Variants in PCNX2 observed in about 807,000 individuals in gnomAD.
The protein encoded by PCNX2 is pecanex 2, also known as pecanex-like protein 2.
Under a neutral mutation model 223.8 loss-of-function variants are expected in PCNX2, and 168 were observed. The ratio of observed to expected loss-of-function variants is 0.75; its 90% CI spans 0.66 to 0.85. PCNX2 has a LOEUF of 0.85. Among genes scored for constraint, PCNX2 ranks in the 40% least tolerant of loss-of-function variants. PCNX2 has a pLI of 0.00. For missense variants in PCNX2, 2,507 were observed against 2,675.5 expected, an observed-to-expected ratio of 0.94 and a Z score of 1.39; for synonymous variants, 1,006 against 1,052.6, an observed-to-expected ratio of 0.96 and a Z score of 0.86.
intron 12 of PCNX2, among the ~76,000 whole-genome samples, chr1:233,209,802 T>C (rs185692086): frequency 1.0e-3 from 153 of 152,344 alleles, no homozygotes; most frequent in African/African-American, 3.0e-3. Context: ...TTAATGGGTA[T>C]GGGAATACTT....
intron 32 of PCNX2, among the ~76,000 whole-genome samples, chr1:232,995,058 C>G (rs1287448067): frequency 6.6e-6 from 1 of 152,160 alleles, no homozygotes; most frequent in Non-Finnish European, 1.5e-5. Flanking sequence ...TGGTGAGGAT[C>G]CAGTGAATGT....
intron 32 of PCNX2, among the ~76,000 whole-genome samples, chr1:232,997,131 C>T (rs2102790271): frequency 6.6e-6 from 1 of 152,258 alleles, no homozygotes; most frequent in South Asian, 2.1e-4. Flanking sequence ...CATTCTTTCC[C>T]CTTTAAATAA....
chr1:233,061,539 C>G (rs74861762), intron 23 of PCNX2, among the ~76,000 whole-genome samples: 2 of 152,084 alleles, frequency 1.3e-5, no homozygotes, highest in East Asian at 3.9e-4. Context: ...ATACATTTGC[C>G]CTCCAAGACC....
At chr1:233,074,319 G>A (rs1235045953) in intron 23 of PCNX2, among the ~76,000 whole-genome samples, 2 of 152,182 alleles carry the variant, frequency 1.3e-5, no homozygotes, top group Non-Finnish European at 2.9e-5. Flanking sequence ...ACGAGGCCGG[G>A]CGCGGTGGCT....
At chr1:233,162,827 C>A (rs142625063) in intron 17 of PCNX2, among the ~76,000 whole-genome samples, 1,551 of 152,132 alleles carry the variant, frequency 0.01, 25 homozygotes, top group African/African-American at 0.035. Flanking sequence ...AACATTTTCC[C>A]GAATATTCTA....
intron 15 of PCNX2, among the ~76,000 whole-genome samples, chr1:233,182,167 G>C (rs1205408808): frequency 6.6e-6 from 1 of 152,150 alleles, no homozygotes; most frequent in Non-Finnish European, 1.5e-5. Context: ...TGGTTGTTGT[G>C]AGGGTGCTTT....
intron 9 of PCNX2, among the ~76,000 whole-genome samples, chr1:233,234,982 G>C (rs1051915137): frequency 1.3e-5 from 2 of 152,008 alleles, no homozygotes; most frequent in Admixed American, 1.3e-4. Flanking sequence ...CAGGGTCTCC[G>C]GTGGTCAGTG....
chr1:233,104,322 C>T lies in PCNX2; in HGVS notation c.3838-8459G>A, dbSNP rs570359986. The stretch of plus-strand genomic sequence containing the variant: ...ATTAAAGTCACCTAAAAATTTTAGG[C>T]AAAATAATTTTTAAAAAATCAATAC... On this transcript the variant is annotated intron_variant, in intron 21 of 33. Coordinates refer to ENST00000258229, the MANE Select transcript of PCNX2 (RefSeq NM_014801.4). Among the ~76,000 whole-genome samples the T allele has an allele frequency of 2.0e-4, 30 of 152,042 alleles. 1 individual carries two copies. The South Asian group carries it at 4.1e-3, about 21-fold the overall frequency.
At chr1:233,274,517 A>T (rs1415977726) in intron 1 of PCNX2, among the ~76,000 whole-genome samples, 1 of 152,256 alleles carries the variant, frequency 6.6e-6, no homozygotes, top group African/African-American at 2.4e-5. Context: ...GTCCCTATAC[A>T]TACCAAGTTC....
rs766643762 is a variant in PCNX2 at position 233,259,009 on chromosome 1, G to C, written c.853C>G (p.Pro285Ala). 21 of 1,613,796 alleles carry C rather than the reference G, an allele frequency of 1.3e-5. No individual in the cohort carries two copies. The East Asian group carries it at 4.0e-4, about 31-fold the overall frequency. ...CCCCGGGGACAACTGACAGGTTCTG[G>C]AATCAGGACTGAATTCTCACTCCCC... ...PWGSENSVLIPEPVSCPRGSI... is the reference protein window; with the variant it reads ...PWGSENSVLIAEPVSCPRGSI... The change falls in exon 5 of 34, where the codon CCA becomes GCA. Residue 285 changes from proline (P) to alanine (A), a missense_variant. Physicochemically the swap from Pro to Ala is conservative, Grantham distance 27 (BLOSUM62 -1). Transcript: ENST00000258229.
At chr1:233,017,913 G>C (rs1167733405) in intron 26 of PCNX2, among the ~76,000 whole-genome samples, 1 of 152,202 alleles carries the variant, frequency 6.6e-6, no homozygotes, top group African/African-American at 2.4e-5. Context: ...AGGCTTTGGT[G>C]GTTCCTAGGC....
intron 9 of PCNX2, among the ~76,000 whole-genome samples, chr1:233,233,460 G>A (rs903996936): frequency 1.3e-5 from 2 of 149,144 alleles, no homozygotes; most frequent in Non-Finnish European, 3.0e-5. Context: ...GTGTGTGTGT[G>A]TGTGTGTGTA....
At chr1:233,163,095 T>A (rs12071131) in intron 17 of PCNX2, among the ~76,000 whole-genome samples, 11,113 of 152,144 alleles carry the variant, frequency 0.073, 1,232 homozygotes, top group African/African-American at 0.24. Context: ...CTTTCTCTAT[T>A]TATTAAAATG....
At chr1:233,061,915 C>T (rs188557447) in intron 23 of PCNX2, among the ~76,000 whole-genome samples, 2 of 152,132 alleles carry the variant, frequency 1.3e-5, no homozygotes, top group East Asian at 1.9e-4. Flanking sequence ...TGCACCACTA[C>T]GCCCAGCTAA....
intron 1 of PCNX2, among the ~76,000 whole-genome samples, chr1:233,269,926 T>C (rs1558411190): frequency 6.6e-6 from 1 of 152,182 alleles, no homozygotes; most frequent in Non-Finnish European, 1.5e-5. Flanking sequence ...AAACCACAGG[T>C]TCATCCAAAA....
rs147180010 is a variant in PCNX2, at chr1:233,207,922, C to T, written c.2863+596G>A. Among the ~76,000 whole-genome samples the T allele has an allele frequency of 4.0e-3, 602 of 152,192 alleles. 6 individuals carry two copies. Among genetic ancestry groups the T allele is most frequent in the African/African-American group, 0.014 (575 of 41,538 alleles). On this transcript the variant is annotated intron_variant, in intron 13 of 33. Coordinates refer to ENST00000258229, the MANE Select transcript of PCNX2 (RefSeq NM_014801.4). ...ACCCTGATGGCAAAACCATCCCCAG[C>T]AGGCACCGTAACAACCATTCTTCAG...
intron 32 of PCNX2, among the ~76,000 whole-genome samples, chr1:232,997,857 C>G (rs754561539): frequency 4.6e-5 from 7 of 152,192 alleles, no homozygotes; most frequent in Admixed American, 4.6e-4. Flanking sequence ...AGGCAGGAGG[C>G]CTGTTTGTGT....
chr1:233,245,962 C>T (rs886951402), intron 8 of PCNX2, among the ~76,000 whole-genome samples: 2 of 152,052 alleles, frequency 1.3e-5, no homozygotes, highest in African/African-American at 4.8e-5. Flanking sequence ...AAATCAACAA[C>T]ATGAAACAAA....
In PCNX2 at chr1:233,233,049, G is replaced by A. The variant is rs746187883; in HGVS notation, c.2358+3796C>T. The stretch of plus-strand genomic sequence containing the variant: ...GCTGTATTCCTACAGATCCTATGCT[G>A]CCCTTGGGTAGACTGCACCTGCCTC... On this transcript the variant is annotated intron_variant, in intron 9 of 33. Coordinates refer to ENST00000258229, the MANE Select transcript of PCNX2 (RefSeq NM_014801.4). 6.4e-4 allele frequency: 628 copies of A among 984,654 alleles called. 1 individual carries two copies. The highest frequency in any genetic ancestry group is 7.1e-4 in the Non-Finnish European group (589 of 829,378). 61.0% of individuals were successfully genotyped at this position (984,654 alleles called of 1,614,324 possible).
Sources: allele counts gnomAD v4.1 joint callset (sites outside exome capture counted in the v4.1 genomes callset), GRCh38; gene constraint gnomAD v4.1.1; transcripts MANE v1.5; gene names NCBI Gene and HGNC (gene_info 2026-07-23, HGNC 2026-07-21).